PHF19: variants seen among roughly 807,000 people sequenced by gnomAD.
The protein encoded by PHF19 is PHD finger protein 19, also known as polycomb like 3.
Under a neutral mutation model 79.8 loss-of-function variants are expected in PHF19, and 21 were observed. That is an observed-to-expected ratio of 0.26 (90% confidence interval 0.19 to 0.38). The LOEUF is 0.38. Ranked by LOEUF, PHF19 falls within the 10% of genes least tolerant of loss-of-function variation. The probability of loss-of-function intolerance (pLI) is 1.00; values close to 1 mark genes in which losing one functional copy is unlikely to be tolerated. For synonymous variants in PHF19, 273 were observed against 296.3 expected (o/e 0.92, Z 0.81); for missense variants, 445 against 744.2 (o/e 0.60, Z 4.68).
chr9:120,858,745 T>A (rs977405425), intron 14 of PHF19, among the ~76,000 whole-genome samples: 4 of 150,216 alleles, frequency 2.7e-5, no homozygotes, highest in African/African-American at 9.8e-5. Context: ...ATAGGTCACA[T>A]AGGGCTGGGG....
intron 3 of PHF19, among the ~76,000 whole-genome samples, chr9:120,873,647 G>T (rs1316844721): frequency 6.6e-6 from 1 of 152,240 alleles, no homozygotes; most frequent in Non-Finnish European, 1.5e-5. Flanking sequence ...CTGACGCAGA[G>T]CTTTGAGCAG....
At chr9:120,878,529 G>A (rs1042891890), upstream of PHF19, among the ~76,000 whole-genome samples, 6 of 152,298 alleles carry the variant, frequency 3.9e-5, no homozygotes, top group African/African-American at 1.4e-4. Context: ...TTCCCCCAGA[G>A]CCTTCCCTGT....
At chr9:120,900,348 G>A in the PHF19 span, among the ~76,000 whole-genome samples, 1 of 152,218 alleles carries the variant, frequency 6.6e-6, no homozygotes, top group Admixed American at 6.5e-5. Context: ...GGTAGAATGT[G>A]ATAACAGGAT....
In PHF19 at chr9:120,860,909, G is replaced by C. The variant is rs574161174; in HGVS notation, c.1304+180C>G. On this transcript the variant is annotated intron_variant, in intron 13 of 14. Coordinates refer to ENST00000373896, the MANE Select transcript of PHF19 (RefSeq NM_015651.3). This position sits in a 1 kb window ranked among gnomAD's most constrained non-coding sequence, Gnocchi z 4.1. ...CCATGGGGCAAGGTGGGGAGGGCTGGAGAAGAGGGGAGGGCTGTGGTGCTC... is the reference window on the plus strand; with the variant it reads ...CCATGGGGCAAGGTGGGGAGGGCTGCAGAAGAGGGGAGGGCTGTGGTGCTC... 1.9e-5 allele frequency: 11 copies of C among 578,900 alleles called. No individual in the cohort carries two copies. The highest frequency in any genetic ancestry group is 3.5e-5 in the Non-Finnish European group (11 of 317,558). The allele number at this position is 578,900 out of a possible 1,614,324, so 35.9% of individuals were successfully genotyped here. A position where few individuals can be genotyped will look rare whatever the true frequency, so the allele number is the denominator to read the frequency against.
chr9:120,891,416 G>C lies in PHF19; in HGVS notation c.42+3372C>G, dbSNP rs2233755. 0.061 allele frequency among the ~76,000 whole-genome samples: 9,235 copies of C among 152,196 alleles called. 393 individuals carry two copies. Among genetic ancestry groups the C allele is most frequent in the Non-Finnish European group, 0.087 (5,943 of 67,994 alleles). ...CTGCCGTACTTTGGGATCACCCCGG[G>C]AACCTTAACATGCTGATGCCTGTGT... On this transcript the variant is annotated intron_variant, in intron 1 of 14. Coordinates refer to the PHF19 transcript ENST00000616568. This position sits in a 1 kb window ranked among gnomAD's most constrained non-coding sequence, Gnocchi z 4.3.
chr9:120,897,249 C>T (rs1165888306), upstream of PHF19, among the ~76,000 whole-genome samples: 7 of 152,342 alleles, frequency 4.6e-5, no homozygotes, highest in Admixed American at 4.6e-4. Context: ...AGCTCCCCAG[C>T]CAGCTGTGCT....
At position 120,874,086 on chromosome 9, in the gene PHF19, G is replaced by C. The variant is rs373882100; in HGVS notation, c.187-26C>G. 3.3e-5 allele frequency: 44 copies of C among 1,350,546 alleles called. No individual in the cohort carries two copies. The highest frequency in any genetic ancestry group is 4.4e-5 in the Non-Finnish European group (42 of 948,120). The allele number at this position is 1,350,546 out of a possible 1,614,324, so 83.7% of individuals were successfully genotyped here. A position where few individuals can be genotyped will look rare whatever the true frequency, so the allele number is the denominator to read the frequency against. ...CTGGGGTACAGATAGGAAGGAGCAA[G>C]TGAGAAAGGGCTGGGGAAAAGCCAA... On this transcript the variant is annotated intron_variant, in intron 2 of 14. Coordinates refer to ENST00000373896, the MANE Select transcript of PHF19 (RefSeq NM_015651.3). The surrounding 1 kb of genome is among the most constrained non-coding windows in gnomAD (Gnocchi z 4.5).
chr9:120,887,655 C>CAG (rs1360566445), intron 1 of PHF19, among the ~76,000 whole-genome samples: 1 of 150,532 alleles, frequency 6.6e-6, no homozygotes, highest in East Asian at 2.0e-4. Context: ...CACACACAGA[C>CAG]ACACACACAC....
chr9:120,872,726 C>A (rs1275579468), intron 3 of PHF19, among the ~76,000 whole-genome samples: 1 of 148,810 alleles, frequency 6.7e-6, no homozygotes, highest in Admixed American at 6.7e-5. Context: ...CGCTCTGTTG[C>A]CCAGGCTGGA....
the PHF19 span, among the ~76,000 whole-genome samples, chr9:120,901,837 T>C: frequency 3.3e-5 from 5 of 152,036 alleles, no homozygotes; most frequent in Non-Finnish European, 2.9e-5. Context: ...TGACTGGCCG[T>C]TGGGGGCAAA....
At chr9:120,859,521 T>C (rs2045455843) in intron 14 of PHF19, among the ~76,000 whole-genome samples, 1 of 152,186 alleles carries the variant, frequency 6.6e-6, no homozygotes, top group Admixed American at 6.5e-5. Flanking sequence ...CCACTCCCCG[T>C]ACTGCTGAGG....
At chr9:120,887,621 A>AACACACAC (rs764204141) in intron 1 of PHF19, among the ~76,000 whole-genome samples, 54 of 113,634 alleles carry the variant, frequency 4.8e-4, no homozygotes, top group African/African-American at 1.8e-3. Flanking sequence ...TTTATGAACA[A>AACACACAC]ACACACACAC....
intron 12 of PHF19, 137 bp downstream of exon 12, chr9:120,861,781 G>A: frequency 1.4e-6 from 1 of 725,740 alleles, no homozygotes; most frequent in Non-Finnish European, 2.5e-6. Context: ...GCCTGGCTTA[G>A]CTGTAATAGG....
chr9:120,894,821 G>A, exon 1 of PHF19: 1 of 1,230,146 alleles, frequency 8.1e-7, no homozygotes, highest in Admixed American at 4.2e-5. Flanking sequence ...GGATTACCAA[G>A]ACCAGCATAG....
At chr9:120,881,504 T>A (rs1389836702), upstream of PHF19, among the ~76,000 whole-genome samples, 1 of 152,160 alleles carries the variant, frequency 6.6e-6, no homozygotes, top group East Asian at 1.9e-4. Context: ...AATTAAAATC[T>A]GAGGCAAGTA....
At chr9:120,859,013 G>A (rs1433508415) in intron 14 of PHF19, among the ~76,000 whole-genome samples, 4 of 152,104 alleles carry the variant, frequency 2.6e-5, no homozygotes, top group Non-Finnish European at 4.4e-5. Context: ...CAGCTACTCC[G>A]GAGGCTGAGG....
At chr9:120,888,558 C>T (rs2046299776) in intron 1 of PHF19, among the ~76,000 whole-genome samples, 1 of 152,158 alleles carries the variant, frequency 6.6e-6, no homozygotes, top group Admixed American at 6.5e-5. Flanking sequence ...GGTCAGTGTC[C>T]ACAGCACCAG....
At chr9:120,876,983 C>G (rs2046080837) in intron 1 of PHF19, 108 bp downstream of exon 1, 1 of 958,410 alleles carries the variant, frequency 1.0e-6, no homozygotes, top group East Asian at 1.1e-4. Flanking sequence ...AGTCTCACCC[C>G]CCGGAGGCGT....
chr9:120,901,415 G>A, the PHF19 span, among the ~76,000 whole-genome samples: 1 of 151,986 alleles, frequency 6.6e-6, no homozygotes, highest in African/African-American at 2.4e-5. Flanking sequence ...GGCTGGTCTC[G>A]AATTCCTGAC....
Sources: allele counts gnomAD v4.1 joint callset (sites outside exome capture counted in the v4.1 genomes callset), GRCh38; gene constraint gnomAD v4.1.1; non-coding constraint Gnocchi (gnomAD v3.1); transcripts MANE v1.5; gene names NCBI Gene and HGNC (gene_info 2026-07-23, HGNC 2026-07-21).